NPL: variants seen among roughly 807,000 people sequenced by gnomAD.
NPL encodes N-acetylneuraminate pyruvate lyase, also known as N-acetylneuraminate lyase.
NPL carries 32 observed loss-of-function variants against 41.1 expected under a neutral mutation model. The ratio of observed to expected loss-of-function variants is 0.78; its 90% CI spans 0.59 to 1.05. The LOEUF (loss-of-function observed/expected upper bound fraction) is 1.05. NPL is among the 50% of genes least tolerant of loss of function. The pLI, the probability that NPL is intolerant of heterozygous loss-of-function variation, is 0.00. For synonymous variants in NPL, 128 were observed against 134.9 expected, an observed-to-expected ratio of 0.95 and a Z score of 0.35; for missense variants, 321 against 378.4, an observed-to-expected ratio of 0.85 and a Z score of 1.26.
intron 5 of NPL, among the ~76,000 whole-genome samples, chr1:182,808,983 G>C (rs908999218): frequency 2.7e-5 from 4 of 150,124 alleles, no homozygotes; most frequent in Non-Finnish European, 5.9e-5. Context: ...AAAAAAAGTG[G>C]TGAATTGATA....
chr1:182,803,631 C>T, intron 3 of NPL, 67 bp from the exon 4 acceptor site: 1 of 1,068,154 alleles, frequency 9.4e-7, no homozygotes, highest in South Asian at 1.3e-5. Flanking sequence ...AGTTTATATA[C>T]CTGAGCATTT....
At position 182,806,154 on chromosome 1, in the gene NPL, C is replaced by T. The variant is rs546307597; in HGVS notation, c.152C>T (p.Thr51Ile). 3.1e-6 allele frequency: 5 copies of T among 1,614,198 alleles called. No individual in the cohort carries two copies. The East Asian group carries it at 1.1e-4, about 36-fold the overall frequency. ...CTCTTTGTTTGAACAGTGAATGGCACAACAGGAGAAGGCCTGTCCCTGAGC... is the reference window on the plus strand; with the variant it reads ...CTCTTTGTTTGAACAGTGAATGGCATAACAGGAGAAGGCCTGTCCCTGAGC... Reference protein sequence around the residue: ...QGVKNIFVNGTTGEGLSLSVS... With the variant: ...QGVKNIFVNGITGEGLSLSVS... Residue 51 changes from threonine (T) to isoleucine (I), a missense_variant, in exon 5 of 13, where the codon ACA (threonine) becomes ATA (isoleucine). Thr to Ile is a moderately conservative substitution (Grantham distance 89). Coordinates refer to ENST00000367553, the MANE Select transcript of NPL (RefSeq NM_030769.3).
rs1255433913 is a variant in NPL at position 182,828,596 on chromosome 1, T to G, written c.779-128T>G. ...TCATCTGTCATATTGACTAGAAATG[T>G]TCCCATCTTTTGTTTTAATCTTACC... is the stretch of plus-strand genomic sequence containing the variant. On this transcript the variant is annotated intron_variant, in intron 12 of 12. Coordinates refer to ENST00000367553, the MANE Select transcript of NPL (RefSeq NM_030769.3). The surrounding 1 kb of genome is among the most constrained non-coding windows in gnomAD (Gnocchi z 4.0). 8.6e-7 allele frequency: 1 copy of G among 1,163,466 alleles called. No homozygotes were observed. The highest frequency in any genetic ancestry group is 1.3e-6 in the Non-Finnish European group (1 of 796,828). 72.1% of individuals were successfully genotyped at this position (1,163,466 alleles called of 1,614,324 possible). A position where few individuals can be genotyped will look rare whatever the true frequency, so the allele number is the denominator to read the frequency against.
At chr1:182,809,774 G>T (rs1667125385) in intron 5 of NPL, 1 of 152,178 alleles carries the variant, frequency 6.6e-6, no homozygotes, top group African/African-American at 2.4e-5. Context: ...ATGACAGCCA[G>T]AAGGCTCGTT....
Position 182,818,871 on chromosome 1 carries a change from T to G in NPL, c.653+12T>G, listed in dbSNP as rs769433892. On this transcript the variant is annotated intron_variant, in intron 10 of 12. Coordinates refer to ENST00000367553, the MANE Select transcript of NPL (RefSeq NM_030769.3). ...GGAGCAGTGGGCAGGTAAGCATGAC[T>G]CATTTTTCCCAGTGGTTATAAAGTC... is the stretch of plus-strand genomic sequence containing the variant. The G allele has an allele frequency of 3.1e-6, 5 of 1,613,350 alleles. 1 individual carries two copies. Among genetic ancestry groups the G allele is most frequent in the South Asian group, 2.2e-5 (2 of 91,068 alleles).
At chr1:182,813,851 C>T (rs1667248192) in intron 6 of NPL, among the ~76,000 whole-genome samples, 1 of 152,220 alleles carries the variant, frequency 6.6e-6, no homozygotes, top group South Asian at 2.1e-4. Flanking sequence ...TTTTTCTAAA[C>T]AGAGTAGTAA....
At chr1:182,803,407 C>T (rs1214082476) in intron 3 of NPL, among the ~76,000 whole-genome samples, 2 of 152,270 alleles carry the variant, frequency 1.3e-5, no homozygotes, top group Non-Finnish European at 1.5e-5. Flanking sequence ...AAAGATAGTT[C>T]GTTAACTACT....
chr1:182,793,577 T>C (rs1311971403), intron 2 of NPL, among the ~76,000 whole-genome samples: 1 of 152,044 alleles, frequency 6.6e-6, no homozygotes, highest in African/African-American at 2.4e-5. Flanking sequence ...CCTGCTGTAG[T>C]GGGGAAGAGG....
At chr1:182,809,144 A>G (rs1018532425) in intron 5 of NPL, 2 of 390,418 alleles carry the variant, frequency 5.1e-6, no homozygotes, top group African/African-American at 4.2e-5. Context: ...TAACCCTGTC[A>G]TAAGTCAGGG....
chr1:182,802,003 A>G (rs1305642067), intron 3 of NPL, among the ~76,000 whole-genome samples: 1 of 152,188 alleles, frequency 6.6e-6, no homozygotes, highest in African/African-American at 2.4e-5. Context: ...TGCTATTTTA[A>G]TCACGTATAC....
Position 182,829,380 on chromosome 1 carries a change from T to C in NPL, c.*472T>C. The C allele has an allele frequency of 7.5e-7, 1 of 1,335,582 alleles. No homozygotes were observed. Among genetic ancestry groups the C allele is most frequent in the South Asian group, 1.8e-5 (1 of 56,000 alleles). 82.7% of individuals were successfully genotyped at this position (1,335,582 alleles called of 1,614,324 possible). A position where few individuals can be genotyped will look rare whatever the true frequency, so the allele number is the denominator to read the frequency against. On this transcript the variant is annotated 3_prime_UTR_variant, in exon 13 of 13. Coordinates refer to ENST00000367553, the MANE Select transcript of NPL (RefSeq NM_030769.3). Reference sequence around the variant, plus strand: ...ATACCAAACTGTAACATGTCTCAACTGTATACAACTCAAAATACACCAGCT... The same window carrying C: ...ATACCAAACTGTAACATGTCTCAACCGTATACAACTCAAAATACACCAGCT...
intron 3 of NPL, among the ~76,000 whole-genome samples, chr1:182,795,400 T>C (rs951769635): frequency 6.6e-6 from 1 of 152,244 alleles, no homozygotes; most frequent in African/African-American, 2.4e-5. Context: ...ACTGCCTTTA[T>C]GTCATAAGGC....
In NPL at chr1:182,828,888, A is replaced by C. The variant is rs757289008; in HGVS notation, c.943A>C (p.Asn315His). The part of the protein sequence containing the change: ...FLSFTDLKDG[N>H]LEAGS ...TTCTTTCACTGATTTAAAGGATGGAAACTTGGAAGCTGGTAGCTAGTGCCT... is the reference window on the plus strand; with the variant it reads ...TTCTTTCACTGATTTAAAGGATGGACACTTGGAAGCTGGTAGCTAGTGCCT... The change falls in exon 13 of 13, where the codon AAC becomes CAC. Residue 315 changes from asparagine to histidine, a missense_variant. Asn to His is a moderately conservative substitution (Grantham distance 68, BLOSUM62 1). Transcript: ENST00000367553. The surrounding 1 kb of genome is among the most constrained non-coding windows in gnomAD (Gnocchi z 4.0). The C allele has an allele frequency of 1.9e-6, 3 of 1,614,074 alleles. No individual in the cohort carries two copies. In the South Asian group the frequency reaches 3.3e-5, roughly 18 times the overall value.
intron 10 of NPL, among the ~76,000 whole-genome samples, chr1:182,820,121 G>A (rs566008362): frequency 4.0e-4 from 61 of 152,340 alleles, no homozygotes; most frequent in African/African-American, 7.5e-4. Context: ...CTGCCCAAGC[G>A]TGGCATCTCG....
intron 5 of NPL, among the ~76,000 whole-genome samples, chr1:182,811,814 C>T (rs1256425992): frequency 1.3e-5 from 2 of 152,150 alleles, no homozygotes; most frequent in Non-Finnish European, 2.9e-5. Context: ...GCAGAAATGG[C>T]TGTATTCCTA....
At chr1:182,808,682 C>T (rs995811880) in intron 5 of NPL, among the ~76,000 whole-genome samples, 1 of 152,140 alleles carries the variant, frequency 6.6e-6, no homozygotes, top group African/African-American at 2.4e-5. Context: ...TGGCTGGGTG[C>T]AGTGGCTCAT....
intron 5 of NPL, among the ~76,000 whole-genome samples, chr1:182,808,514 G>C (rs1275602989): frequency 6.6e-6 from 1 of 152,160 alleles, no homozygotes; most frequent in Non-Finnish European, 1.5e-5. Flanking sequence ...TTCTGGCAAA[G>C]GGAAGGAGAG....
rs373842812 is a variant in NPL, at chr1:182,829,656, A to G, written c.*748A>G. The G allele has an allele frequency of 9.7e-5, 150 of 1,548,220 alleles. 2 individuals are homozygous for G. The highest frequency in any genetic ancestry group is 7.3e-4 in the East Asian group (30 of 40,910). On this transcript the variant is annotated 3_prime_UTR_variant, in exon 13 of 13. Transcript: ENST00000367553. ...CCAAAGGACTCTTCCTCTGGGCACC[A>G]CAAACTTCCCCTTCCTCCACTGAGA...
At chr1:182,827,873 G>A (rs149023562) in intron 12 of NPL, among the ~76,000 whole-genome samples, 76 of 152,280 alleles carry the variant, frequency 5.0e-4, no homozygotes, top group Non-Finnish European at 5.9e-5. Flanking sequence ...TGAACATTAG[G>A]TTGTAAGGTG....
Sources: gnomAD v4.1 joint callset for allele counts (sites outside exome capture counted in the v4.1 genomes callset) on GRCh38, gnomAD v4.1.1 for gene constraint, Gnocchi (gnomAD v3.1) non-coding constraint, MANE v1.5 for transcripts, NCBI Gene and HGNC (gene_info 2026-07-23, HGNC 2026-07-21) for gene names.